TSPAN18: variants seen among roughly 807,000 people sequenced by gnomAD.
The protein encoded by TSPAN18 is tetraspanin 18.
In TSPAN18, 14 loss-of-function variants were observed where a neutral mutation model predicts 27.3. The observed-to-expected ratio is 0.51, with a 90% CI of 0.34 to 0.80. The LOEUF is 0.80. TSPAN18 is among the 30% of genes least tolerant of loss of function. TSPAN18 has a pLI of 0.01. For synonymous variants in TSPAN18, 143 were observed against 136.5 expected (o/e 1.05, Z -0.33); for missense variants, 268 against 323.9 (o/e 0.83, Z 1.32).
At chr11:44,880,412 G>A (rs1023395512) in intron 3 of TSPAN18, among the ~76,000 whole-genome samples, 4 of 152,168 alleles carry the variant, frequency 2.6e-5, no homozygotes, top group Non-Finnish European at 5.9e-5. Flanking sequence ...ACCTCCCTGG[G>A]ACTCCCTCTC....
intron 2 of TSPAN18, among the ~76,000 whole-genome samples, chr11:44,811,174 A>ACACACACACC (rs942657687): frequency 2.4e-5 from 3 of 125,984 alleles, no homozygotes; most frequent in African/African-American, 8.6e-5. Flanking sequence ...ACACACACAC[A>ACACACACACC]CCCCTGCCTG....
chr11:44,736,516 T>C (rs1340793232), intron 1 of TSPAN18: 1 of 152,230 alleles, frequency 6.6e-6, no homozygotes, highest in Non-Finnish European at 1.5e-5. Flanking sequence ...TCAGAAGTCA[T>C]GGTGACTTTT....
chr11:44,757,135 G>T (rs928181466), intron 1 of TSPAN18, among the ~76,000 whole-genome samples: 1 of 152,134 alleles, frequency 6.6e-6, no homozygotes, highest in African/African-American at 2.4e-5. Flanking sequence ...GGATCACATG[G>T]TAATTCTATT....
chr11:44,740,246 C>T lies in TSPAN18; in HGVS notation c.-240+12959C>T, dbSNP rs137900971. On this transcript the variant is annotated intron_variant, in intron 1 of 9. Transcript: ENST00000520358. Reference sequence around the variant, plus strand: ...AGGGTTTGGGAAAGAGCCCTTGGGACCCTTTGGGGAGGATGTGTGACCGGG... The same window carrying T: ...AGGGTTTGGGAAAGAGCCCTTGGGATCCTTTGGGGAGGATGTGTGACCGGG... Among the ~76,000 whole-genome samples the T allele has an allele frequency of 5.5e-4, 84 of 152,270 alleles. No homozygotes were observed. The East Asian group carries it at 0.014, about 25-fold the overall frequency.
At chr11:44,845,007 C>T (rs12419327) in intron 2 of TSPAN18, among the ~76,000 whole-genome samples, 60,778 of 151,968 alleles carry the variant, frequency 0.4, 12,861 homozygotes, top group South Asian at 0.47. Flanking sequence ...TCCTCAATGC[C>T]AATACTTTAG....
chr11:44,778,168 G>A (rs1228825618), intron 2 of TSPAN18, among the ~76,000 whole-genome samples: 1 of 152,104 alleles, frequency 6.6e-6, no homozygotes, highest in East Asian at 1.9e-4. Flanking sequence ...TTCTGAGGTG[G>A]GGAAGGAAGG....
intron 2 of TSPAN18, among the ~76,000 whole-genome samples, chr11:44,787,435 G>C (rs1856084936): frequency 6.6e-6 from 1 of 152,216 alleles, no homozygotes; most frequent in South Asian, 2.1e-4. Context: ...GTGGTGCAGA[G>C]CTGGAAAAAT....
chr11:44,834,845 G>A (rs972685999), intron 2 of TSPAN18, among the ~76,000 whole-genome samples: 11 of 152,202 alleles, frequency 7.2e-5, no homozygotes, highest in Admixed American at 7.2e-4. Context: ...GATATATTAA[G>A]GATGATTTCC....
intron 2 of TSPAN18, among the ~76,000 whole-genome samples, chr11:44,775,153 C>T (rs1446467943): frequency 3.9e-5 from 6 of 152,188 alleles, no homozygotes; most frequent in African/African-American, 1.2e-4. Flanking sequence ...TTAAAGGATG[C>T]CCAGCTAAAT....
chr11:44,737,513 G>A (rs1401405602), intron 1 of TSPAN18, among the ~76,000 whole-genome samples: 4 of 152,200 alleles, frequency 2.6e-5, no homozygotes, highest in South Asian at 4.1e-4. Flanking sequence ...CTATGAAAAT[G>A]CCAGCTGGAT....
intron 2 of TSPAN18, among the ~76,000 whole-genome samples, chr11:44,821,782 A>G (rs1856933955): frequency 6.6e-6 from 1 of 152,242 alleles, no homozygotes; most frequent in Admixed American, 6.5e-5. Context: ...ATAAATTTAC[A>G]GAAACTAACT....
intron 2 of TSPAN18, among the ~76,000 whole-genome samples, chr11:44,846,590 G>C (rs953108842): frequency 3.1e-5 from 4 of 128,866 alleles, no homozygotes; most frequent in Non-Finnish European, 6.7e-5. Context: ...CCAAGAGGCT[G>C]TCTGTGTGTG....
At chr11:44,732,172 C>T (rs190124121) in intron 1 of TSPAN18, among the ~76,000 whole-genome samples, 8 of 152,354 alleles carry the variant, frequency 5.3e-5, no homozygotes, top group South Asian at 2.1e-4. Context: ...CCTCTTCCAG[C>T]GGCTTGGGAG....
intron 3 of TSPAN18, among the ~76,000 whole-genome samples, chr11:44,876,937 C>T (rs539842882): frequency 2.0e-5 from 3 of 152,350 alleles, no homozygotes; most frequent in South Asian, 2.1e-4. Context: ...TTTCACGGAG[C>T]TGGGACTGGG....
At chr11:44,849,348 G>T (rs186953147) in intron 2 of TSPAN18, among the ~76,000 whole-genome samples, 134 of 152,318 alleles carry the variant, frequency 8.8e-4, no homozygotes, top group Admixed American at 1.4e-3. Flanking sequence ...ATTCTCAGGA[G>T]AGCTCTGCAA....
intron 2 of TSPAN18, among the ~76,000 whole-genome samples, chr11:44,842,877 G>A (rs1857401578): frequency 6.6e-6 from 1 of 152,048 alleles, no homozygotes; most frequent in African/African-American, 2.4e-5. Flanking sequence ...CAGCCCAGAA[G>A]GCTCTCCTAT....
At chr11:44,791,276 A>G (rs1342419455) in intron 2 of TSPAN18, among the ~76,000 whole-genome samples, 1 of 152,204 alleles carries the variant, frequency 6.6e-6, no homozygotes, top group Non-Finnish European at 1.5e-5. Context: ...GCACACACCT[A>G]GGGTGAGAGC....
intron 1 of TSPAN18, among the ~76,000 whole-genome samples, chr11:44,747,810 G>A (rs963582931): frequency 4.6e-5 from 7 of 152,082 alleles, no homozygotes; most frequent in Non-Finnish European, 8.8e-5. Flanking sequence ...AAGTGCAGGT[G>A]GAACTTCCAG....
chr11:44,746,442 G>C (rs550231016), intron 1 of TSPAN18, among the ~76,000 whole-genome samples: 2 of 152,160 alleles, frequency 1.3e-5, no homozygotes, highest in Non-Finnish European at 2.9e-5. Flanking sequence ...GTAAAGCAAG[G>C]AGTGTAGTAC....
Sources: gnomAD v4.1 joint callset for allele counts (sites outside exome capture counted in the v4.1 genomes callset) on GRCh38, gnomAD v4.1.1 for gene constraint, MANE v1.5 for transcripts, NCBI Gene and HGNC (gene_info 2026-07-23, HGNC 2026-07-21) for gene names.